The following CNTNAP5 variants were observed in gnomAD, a reference collection of about 807,000 sequenced individuals.
CNTNAP5 encodes contactin associated protein family member 5, also known as contactin-associated protein-like 5.
In CNTNAP5, 72 loss-of-function variants were observed where a neutral mutation model predicts 150.2. That is an observed-to-expected ratio of 0.48 (90% CI 0.40 to 0.58). The LOEUF (loss-of-function observed/expected upper bound fraction) is 0.58, where lower values mean the gene tolerates loss of function less well. Among genes scored for constraint, CNTNAP5 ranks in the 20% least tolerant of loss-of-function variants. The probability of loss-of-function intolerance (pLI) is 0.00; values close to 1 mark genes in which losing one functional copy is unlikely to be tolerated. For missense variants in CNTNAP5, 1,636 were observed against 1,626.2 expected, an observed-to-expected ratio of 1.01 and a Z score of -0.10; for synonymous variants, 672 against 619.8, an observed-to-expected ratio of 1.08 and a Z score of -1.25.
chr2:124,026,140 C>A (rs1265492199), intron 1 of CNTNAP5, among the ~76,000 whole-genome samples: 1 of 152,194 alleles, frequency 6.6e-6, no homozygotes, highest in Non-Finnish European at 1.5e-5. Context: ...TGGCTCATCT[C>A]TGAATGCAGT....
At chr2:124,165,880 C>T (rs973080816) in intron 1 of CNTNAP5, among the ~76,000 whole-genome samples, 7 of 152,094 alleles carry the variant, frequency 4.6e-5, no homozygotes, top group African/African-American at 7.2e-5. Flanking sequence ...GTACATGGAG[C>T]GGCGCAGTGA....
intron 1 of CNTNAP5, among the ~76,000 whole-genome samples, chr2:124,065,582 G>A (rs533375581): frequency 6.6e-5 from 10 of 152,200 alleles, no homozygotes; most frequent in African/African-American, 1.4e-4. Context: ...ATAATAATTC[G>A]TTAAACAGTT....
At chr2:124,768,910 A>G (rs1227468169) in intron 16 of CNTNAP5, among the ~76,000 whole-genome samples, 1 of 152,188 alleles carries the variant, frequency 6.6e-6, no homozygotes, top group Non-Finnish European at 1.5e-5. Context: ...CAGATCCTTG[A>G]AGAGATTATG....
At chr2:124,844,827 C>G (rs369722508) in intron 19 of CNTNAP5, among the ~76,000 whole-genome samples, 31 of 152,148 alleles carry the variant, frequency 2.0e-4, no homozygotes, top group African/African-American at 7.2e-4. Context: ...AATTTTGTAT[C>G]CTGAAACTTT....
intron 3 of CNTNAP5, among the ~76,000 whole-genome samples, chr2:124,381,613 G>A (rs1395616186): frequency 6.6e-6 from 1 of 152,084 alleles, no homozygotes; most frequent in Non-Finnish European, 1.5e-5. Context: ...TGCTGGGCAA[G>A]AGCTGACTTT....
At position 124,499,345 on chromosome 2, in the gene CNTNAP5, A is replaced by T. The variant is rs184349178; in HGVS notation, c.1063-4947A>T. Among the ~76,000 whole-genome samples the T allele has an allele frequency of 1.1e-3, 160 of 152,314 alleles. 1 individual carries two copies. Among genetic ancestry groups the T allele is most frequent in the Admixed American group, 4.1e-3 (62 of 15,304 alleles). On this transcript the variant is annotated intron_variant, in intron 7 of 23. Coordinates refer to ENST00000682447, the MANE Select transcript of CNTNAP5 (RefSeq NM_001367498.1). ...CATAATAGATTTCCACAGGTAGCACACACGACTGTAAGCCCATGGAGAAGG... is the reference window on the plus strand; with the variant it reads ...CATAATAGATTTCCACAGGTAGCACTCACGACTGTAAGCCCATGGAGAAGG...
intron 19 of CNTNAP5, among the ~76,000 whole-genome samples, chr2:124,810,824 AGAC>A (rs1682199641): frequency 6.6e-6 from 1 of 152,066 alleles, no homozygotes; most frequent in Non-Finnish European, 1.5e-5. Flanking sequence ...CAATACACAG[AGAC>A]ATTTTTCATT....
intron 1 of CNTNAP5, among the ~76,000 whole-genome samples, chr2:124,175,978 CAT>C (rs1685054272): frequency 6.6e-6 from 1 of 152,194 alleles, no homozygotes; most frequent in African/African-American, 2.4e-5. Context: ...ATTACTGGGT[CAT>C]GTGTGAATTT....
chr2:124,678,358 A>C (rs1678991482), intron 13 of CNTNAP5, among the ~76,000 whole-genome samples: 1 of 151,700 alleles, frequency 6.6e-6, no homozygotes, highest in Non-Finnish European at 1.5e-5. Flanking sequence ...TGGGTGTCTT[A>C]AGCGGCATTT....
intron 2 of CNTNAP5, among the ~76,000 whole-genome samples, chr2:124,232,972 C>T (rs959314382): frequency 1.3e-5 from 2 of 150,846 alleles, no homozygotes; most frequent in Non-Finnish European, 2.9e-5. Flanking sequence ...AGGGTGGTTA[C>T]AAGATCCTTT....
chr2:124,575,885 AAGAT>A (rs1162316646), intron 11 of CNTNAP5, among the ~76,000 whole-genome samples: 4 of 152,224 alleles, frequency 2.6e-5, no homozygotes, highest in Non-Finnish European at 5.9e-5. Context: ...GGGAAGGTGA[AAGAT>A]AGCAAATCAG....
At chr2:124,262,917 G>T (rs1404985745) in intron 3 of CNTNAP5, among the ~76,000 whole-genome samples, 1 of 150,720 alleles carries the variant, frequency 6.6e-6, no homozygotes, top group Non-Finnish European at 1.5e-5. Context: ...TTTTGTCCTT[G>T]TGATAGTTTG....
At chr2:124,119,849 C>T (rs1490198407) in intron 1 of CNTNAP5, among the ~76,000 whole-genome samples, 1 of 152,174 alleles carries the variant, frequency 6.6e-6, no homozygotes, top group Non-Finnish European at 1.5e-5. Context: ...AAGGAAGAAA[C>T]CACTGCAGGC....
intron 13 of CNTNAP5, among the ~76,000 whole-genome samples, chr2:124,715,676 T>C (rs1040833572): frequency 3.3e-5 from 5 of 152,182 alleles, no homozygotes; most frequent in Non-Finnish European, 7.3e-5. Flanking sequence ...TCCATTTATA[T>C]ACCATTGATG....
At chr2:124,663,713 T>C (rs940943150) in intron 13 of CNTNAP5, among the ~76,000 whole-genome samples, 1 of 152,156 alleles carries the variant, frequency 6.6e-6, no homozygotes, top group Non-Finnish European at 1.5e-5. Flanking sequence ...ATTCTCAACA[T>C]GGAGACATGA....
intron 13 of CNTNAP5, among the ~76,000 whole-genome samples, chr2:124,675,137 C>T (rs1472151965): frequency 2.0e-5 from 3 of 151,918 alleles, no homozygotes; most frequent in African/African-American, 2.4e-5. Context: ...TGTTGTTAGT[C>T]GTATAAATGT....
At chr2:124,178,683 T>C (rs530223612) in intron 1 of CNTNAP5, among the ~76,000 whole-genome samples, 6 of 152,166 alleles carry the variant, frequency 3.9e-5, no homozygotes, top group Non-Finnish European at 2.9e-5. Context: ...ACCTTGGAAC[T>C]GAAGTGTTTT....
chr2:124,462,454 GT>G (rs1241648535), intron 6 of CNTNAP5, among the ~76,000 whole-genome samples: 1 of 152,126 alleles, frequency 6.6e-6, no homozygotes, highest in African/African-American at 2.4e-5. Flanking sequence ...CAAATTAATT[GT>G]TTTACATATG....
chr2:124,683,282 A>T (rs886802734), intron 13 of CNTNAP5, among the ~76,000 whole-genome samples: 12 of 152,204 alleles, frequency 7.9e-5, no homozygotes, highest in African/African-American at 2.9e-4. Context: ...TTTATTCTGA[A>T]GTAATTTCAT....
Sources: gnomAD v4.1 joint callset for allele counts (sites outside exome capture counted in the v4.1 genomes callset) on GRCh38, gnomAD v4.1.1 for gene constraint, MANE v1.5 for transcripts, NCBI Gene and HGNC (gene_info 2026-07-23, HGNC 2026-07-21) for gene names.